Variants in UGGT1 observed in about 807,000 individuals in gnomAD.
The protein encoded by UGGT1 is UDP-glucose:glycoprotein glucosyltransferase 1.
In UGGT1, 107 loss-of-function variants were observed where a neutral mutation model predicts 203.9. The observed-to-expected ratio is 0.52, with a 90% confidence interval of 0.45 to 0.62. UGGT1 has a LOEUF of 0.62. Ranked by LOEUF, UGGT1 falls within the 20% of genes least tolerant of loss-of-function variation. The probability of loss-of-function intolerance (pLI) is 0.00; values close to 1 mark genes in which losing one functional copy is unlikely to be tolerated. For missense variants in UGGT1, 1,673 were observed against 1,867.2 expected (o/e 0.90, Z 1.92); for synonymous variants, 628 against 653.5 (o/e 0.96, Z 0.59).
At chr2:128,182,001 CT>C in intron 36 of UGGT1, 128 bp from the exon 37 acceptor site, 1 of 798,434 alleles carries the variant, frequency 1.3e-6, no homozygotes, top group Non-Finnish European at 2.0e-6. Context: ...GCATCTGCCC[CT>C]AGTGCCTGTG....
intron 30 of UGGT1, 95 bp from the exon 31 acceptor site, chr2:128,174,678 G>A: frequency 9.5e-7 from 1 of 1,049,034 alleles, no homozygotes; most frequent in Non-Finnish European, 1.4e-6. Flanking sequence ...TCACATTATA[G>A]TTGATTGATA....
intron 22 of UGGT1, 49 bp downstream of exon 22, chr2:128,157,395 T>A (rs1473461512): frequency 6.7e-7 from 1 of 1,492,834 alleles, no homozygotes; most frequent in African/African-American, 1.4e-5. Context: ...GCTGTAGTTG[T>A]CTTCATGGGC....
intron 40 of UGGT1, among the ~76,000 whole-genome samples, chr2:128,187,922 A>G (rs1437233913): frequency 1.3e-5 from 2 of 150,840 alleles, no homozygotes; most frequent in Non-Finnish European, 2.9e-5. Flanking sequence ...AACCTTTTGC[A>G]GAGTTCTTCT....
intron 4 of UGGT1, among the ~76,000 whole-genome samples, chr2:128,108,333 G>A (rs1037862830): frequency 3.3e-5 from 5 of 152,168 alleles, no homozygotes; most frequent in Non-Finnish European, 7.3e-5. Flanking sequence ...ATGTAATCTT[G>A]TTAAACCAAT....
rs73955913 is a variant in UGGT1, at chr2:128,115,028, A to G, written c.697-96A>G. On this transcript the variant is annotated intron_variant, in intron 6 of 40. Coordinates refer to ENST00000259253, the MANE Select transcript of UGGT1 (RefSeq NM_020120.4). ...TATTTTGAGGGCATAATCCGAGGTA[A>G]TGGCTAGTAGATGCAACATTAACAT... The G allele has an allele frequency of 1.2e-3, 1,192 of 1,024,562 alleles. 7 individuals are homozygous for G. In the African/African-American group the frequency reaches 0.014, roughly 12 times the overall value. The allele number at this position is 1,024,562 out of a possible 1,614,324, so 63.5% of individuals were successfully genotyped here.
At chr2:128,137,492 C>G (rs139110925) in intron 15 of UGGT1, among the ~76,000 whole-genome samples, 57 of 152,356 alleles carry the variant, frequency 3.7e-4, no homozygotes, top group Admixed American at 9.8e-4. Flanking sequence ...TTTTCTGCCA[C>G]TCTATGGCTT....
intron 19 of UGGT1, among the ~76,000 whole-genome samples, chr2:128,153,271 C>T (rs984529923): frequency 6.6e-6 from 1 of 152,170 alleles, no homozygotes; most frequent in Non-Finnish European, 1.5e-5. Context: ...GTCAGTCAGC[C>T]ATAATGTCAA....
At chr2:128,170,588 A>G (rs966155214) in intron 27 of UGGT1, among the ~76,000 whole-genome samples, 198 bp downstream of exon 27, 5 of 152,228 alleles carry the variant, frequency 3.3e-5, no homozygotes, top group Admixed American at 2.6e-4. Context: ...AGTTGGTGCA[A>G]GTGTGGTTGG....
chr2:128,133,850 T>C (rs181982500), intron 14 of UGGT1, among the ~76,000 whole-genome samples: 4 of 152,122 alleles, frequency 2.6e-5, no homozygotes, highest in African/African-American at 9.7e-5. Flanking sequence ...TACTTGTTAT[T>C]CCTTCTTGCA....
chr2:128,174,930 C>A, intron 31 of UGGT1, 72 bp downstream of exon 31: 3 of 1,304,832 alleles, frequency 2.3e-6, no homozygotes, highest in South Asian at 1.3e-5. Flanking sequence ...TTGAATACTA[C>A]CCTGGCAGTT....
chr2:128,107,792 A>T, intron 3 of UGGT1, 146 bp from the exon 4 acceptor site: 1 of 1,091,118 alleles, frequency 9.2e-7, no homozygotes, highest in Non-Finnish European at 1.3e-6. Flanking sequence ...AGGGAGTTTT[A>T]AGCATTTGTT....
rs1328495104 is a variant in UGGT1 at position 128,191,318 on chromosome 2, G to T, written c.*1576G>T. On this transcript the variant is annotated 3_prime_UTR_variant, in exon 41 of 41. Transcript: ENST00000259253. ...TCAAATGCAAAAGTTAGCCTAGGAA[G>T]CCTCCCAGTCATCCTGAAGGACCTT... is the stretch of plus-strand genomic sequence containing the variant. 6.6e-6 allele frequency: 1 copy of T among 152,194 alleles called. No individual in the cohort carries two copies. Among genetic ancestry groups the T allele is most frequent in the African/African-American group, 2.4e-5 (1 of 41,450 alleles). 9.4% of individuals were successfully genotyped at this position (152,194 alleles called of 1,614,324 possible).
chr2:128,102,225 C>G (rs1366369030), intron 2 of UGGT1, among the ~76,000 whole-genome samples: 1 of 152,086 alleles, frequency 6.6e-6, no homozygotes, highest in African/African-American at 2.4e-5. Flanking sequence ...TCACTGCAAC[C>G]TCCACCTCCT....
At chr2:128,145,655 T>G in intron 17 of UGGT1, 148 bp from the exon 18 acceptor site, 1 of 802,812 alleles carries the variant, frequency 1.2e-6, no homozygotes, top group Non-Finnish European at 1.8e-6. Context: ...ATTTTTCATT[T>G]TTTTAAAAAG....
At chr2:128,139,268 T>C (rs1432307762) in intron 16 of UGGT1, among the ~76,000 whole-genome samples, 1 of 152,216 alleles carries the variant, frequency 6.6e-6, no homozygotes, top group African/African-American at 2.4e-5. Context: ...TATGTACTTT[T>C]TGAGACCAGA....
intron 18 of UGGT1, among the ~76,000 whole-genome samples, chr2:128,151,714 T>C (rs550303347): frequency 3.7e-4 from 56 of 152,174 alleles, no homozygotes; most frequent in African/African-American, 1.3e-3. Flanking sequence ...TCTACAAAAA[T>C]ACAAAAATTA....
intron 24 of UGGT1, among the ~76,000 whole-genome samples, chr2:128,160,832 C>T (rs1426453662): frequency 6.6e-6 from 1 of 152,182 alleles, no homozygotes; most frequent in Non-Finnish European, 1.5e-5. Flanking sequence ...CTCAGAAAGT[C>T]AGTCAGTATG....
chr2:128,154,815 A>G (rs1035921195), intron 19 of UGGT1, among the ~76,000 whole-genome samples: 1 of 152,136 alleles, frequency 6.6e-6, no homozygotes, highest in African/African-American at 2.4e-5. Flanking sequence ...AGGGTGCAAT[A>G]ATGTTTAAGA....
In UGGT1 at chr2:128,172,447, C is replaced by G. The variant is rs2290112; in HGVS notation, c.3105-126C>G. 16 of 1,227,656 alleles carry G rather than the reference C, an allele frequency of 1.3e-5. No homozygotes were observed. The East Asian group carries it at 3.4e-4, about 26-fold the overall frequency. 76.0% of individuals were successfully genotyped at this position (1,227,656 alleles called of 1,614,324 possible). On this transcript the variant is annotated intron_variant, in intron 28 of 40. Transcript: ENST00000259253. ...CAAAGATGGTTTTGGAAACACTTTTCCCAATCTGGAAGGGTACTCCTCCAA... is the reference window on the plus strand; with the variant it reads ...CAAAGATGGTTTTGGAAACACTTTTGCCAATCTGGAAGGGTACTCCTCCAA...
Sources: allele counts gnomAD v4.1 joint callset (sites outside exome capture counted in the v4.1 genomes callset), GRCh38; gene constraint gnomAD v4.1.1; transcripts MANE v1.5; gene names NCBI Gene and HGNC (gene_info 2026-07-23, HGNC 2026-07-21).